RIPOR1: variants seen among roughly 807,000 people sequenced by gnomAD.
The protein encoded by RIPOR1 is rho family-interacting cell polarization regulator 1.
Under a neutral mutation model 116.5 loss-of-function variants are expected in RIPOR1, and 58 were observed. That is an observed-to-expected ratio of 0.50 (90% CI 0.40 to 0.62). The LOEUF (loss-of-function observed/expected upper bound fraction) is 0.62, where lower values mean the gene tolerates loss of function less well. Among genes scored for constraint, RIPOR1 ranks in the 20% least tolerant of loss-of-function variants. The pLI is 0.00. For synonymous variants in RIPOR1, 605 were observed against 650.0 expected, an observed-to-expected ratio of 0.93 and a Z score of 1.05; for missense variants, 1,372 against 1,586.2, an observed-to-expected ratio of 0.86 and a Z score of 2.29.
intron 1 of RIPOR1, among the ~76,000 whole-genome samples, chr16:67,522,496 C>G (rs2050503951): frequency 6.6e-6 from 1 of 151,934 alleles, no homozygotes; most frequent in Non-Finnish European, 1.5e-5. Flanking sequence ...GCCACCGCGC[C>G]TGGCCAATTT....
At chr16:67,538,589 CA>C in intron 2 of RIPOR1, 39 bp downstream of exon 2, 1 of 1,608,746 alleles carries the variant, frequency 6.2e-7, no homozygotes, top group Non-Finnish European at 8.5e-7. Context: ...CAAAGGGCGT[CA>C]GATGGGGCTG....
rs754767058 is a variant in RIPOR1, at chr16:67,538,528, G to A, written c.82G>A (p.Gly28Ser). The part of the protein sequence containing the change: ...NRSQSFAGVL[G>S]SHERGPRSFP... ...GAGCCAGTCCTTCGCAGGCGTCCTC[G>A]GCAGCCACGAGCGGGGGCCCAGGTA... Residue 28 changes from glycine (G) to serine (S), a missense_variant, in exon 2 of 22, where the codon GGC (glycine) becomes AGC (serine). Gly to Ser is a moderately conservative substitution (Grantham distance 56). Around this residue, in one of 3 missense-constraint regions of RIPOR1, gnomAD observed 165 missense variants for 145.5 expected, o/e 1.13. Transcript: ENST00000042381. 1 of 1,612,188 alleles carries A rather than the reference G, an allele frequency of 6.2e-7. No homozygotes were observed. The highest frequency in any genetic ancestry group is 1.3e-5 in the African/African-American group (1 of 75,038).
Position 67,544,449 on chromosome 16 carries a change from C to A in RIPOR1, c.2733+18C>A. On this transcript the variant is annotated intron_variant, in intron 15 of 21. Transcript: ENST00000042381. This position sits in a 1 kb window ranked among gnomAD's most constrained non-coding sequence, Gnocchi z 5.1. ...TCCTGCTGGTGAGGCTGATGGTGTT[C>A]CCCCACCCTTCCTTTGTAACCCCTA... 1 of 1,596,042 alleles carries A rather than the reference C, an allele frequency of 6.3e-7. No individual in the cohort carries two copies. The highest frequency in any genetic ancestry group is 8.5e-7 in the Non-Finnish European group (1 of 1,171,460).
Position 67,541,646 on chromosome 16 carries a change from T to C in RIPOR1, c.951-7T>C. The C allele has an allele frequency of 6.2e-7, 1 of 1,614,052 alleles. No individual in the cohort carries two copies. Among genetic ancestry groups the C allele is most frequent in the Non-Finnish European group, 8.5e-7 (1 of 1,179,958 alleles). On this transcript the variant is annotated splice_region_variant and splice_polypyrimidine_tract_variant and intron_variant, in intron 11 of 21. Coordinates refer to ENST00000042381, the MANE Select transcript of RIPOR1 (RefSeq NM_024519.4). This position sits in a 1 kb window ranked among gnomAD's most constrained non-coding sequence, Gnocchi z 4.6. The stretch of plus-strand genomic sequence containing the variant: ...TGGCACCTGCCAACAGCCTCTTCCC[T>C]TCCCAGCCCCTTCGACAAGGATGAC...
rs2050994435 is a variant in RIPOR1 at position 67,541,795 on chromosome 16, C to T, written c.1080+13C>T. The T allele has an allele frequency of 1.9e-6, 3 of 1,614,096 alleles. No homozygotes were observed. The highest frequency in any genetic ancestry group is 8.5e-7 in the Non-Finnish European group (1 of 1,179,988). On this transcript the variant is annotated intron_variant, in intron 12 of 21. Coordinates refer to ENST00000042381, the MANE Select transcript of RIPOR1 (RefSeq NM_024519.4). The surrounding 1 kb of genome is among the most constrained non-coding windows in gnomAD (Gnocchi z 4.6). Reference sequence around the variant, plus strand: ...ACAGGCTTTCTATGTGAGTCATAGCCCAGGTCCAGGCCTCACCATCCCCCA... The same window carrying T: ...ACAGGCTTTCTATGTGAGTCATAGCTCAGGTCCAGGCCTCACCATCCCCCA...
In RIPOR1 at chr16:67,537,949, A is replaced by G; in HGVS notation, c.-23-475A>G. 1 of 221,440 alleles carries G rather than the reference A, an allele frequency of 4.5e-6. No homozygotes were observed. Among genetic ancestry groups the G allele is most frequent in the Non-Finnish European group, 8.8e-6 (1 of 113,770 alleles). The allele number at this position is 221,440 out of a possible 1,614,324, so 13.7% of individuals were successfully genotyped here. A position where few individuals can be genotyped will look rare whatever the true frequency, so the allele number is the denominator to read the frequency against. ...GGCTGGGCCTGTCGGGCAGCTCCGC[A>G]GGGCTCCGAGCGTGGCCCCGCCCCG... On this transcript the variant is annotated intron_variant, in intron 1 of 21. Coordinates refer to ENST00000042381, the MANE Select transcript of RIPOR1 (RefSeq NM_024519.4). This position sits in a 1 kb window ranked among gnomAD's most constrained non-coding sequence, Gnocchi z 4.6.
At position 67,529,889 on chromosome 16, in the gene RIPOR1, G is replaced by T; in HGVS notation, c.-24+975G>T. On this transcript the variant is annotated intron_variant, in intron 1 of 21. Coordinates refer to ENST00000042381, the MANE Select transcript of RIPOR1 (RefSeq NM_024519.4). This position sits in a 1 kb window ranked among gnomAD's most constrained non-coding sequence, Gnocchi z 4.1. Reference sequence around the variant, plus strand: ...GTAGTATTCTCAAGGTCACACAGCTGGTTTGGGAGAAGCGAGGATTAGATC... The same window carrying T: ...GTAGTATTCTCAAGGTCACACAGCTTGTTTGGGAGAAGCGAGGATTAGATC... 7.0e-7 allele frequency: 1 copy of T among 1,425,154 alleles called. No homozygotes were observed. The highest frequency in any genetic ancestry group is 9.6e-7 in the Non-Finnish European group (1 of 1,045,716). The allele number at this position is 1,425,154 out of a possible 1,614,324, so 88.3% of individuals were successfully genotyped here. A position where few individuals can be genotyped will look rare whatever the true frequency, so the allele number is the denominator to read the frequency against.
At chr16:67,523,697 T>C (rs2050516380) in intron 1 of RIPOR1, among the ~76,000 whole-genome samples, 1 of 146,710 alleles carries the variant, frequency 6.8e-6, no homozygotes. Flanking sequence ...TTTTTTTTTT[T>C]TGAGACAGGG....
At position 67,544,389 on chromosome 16, in the gene RIPOR1, T is replaced by C. The variant is rs1405501552; in HGVS notation, c.2691T>C (p.Ala897=). 8.7e-6 allele frequency: 14 copies of C among 1,612,958 alleles called. No individual in the cohort carries two copies. Among genetic ancestry groups the C allele is most frequent in the Admixed American group, 5.0e-5 (3 of 59,988 alleles). The part of the protein sequence containing the change: ...PLSTGCPALD[A]ALVRHLYHCS... ...GCACGGGGTGTCCAGCTCTGGATGCTGCCTTGGTCCGGCACCTGTACCACT... is the reference window on the plus strand; with the variant it reads ...GCACGGGGTGTCCAGCTCTGGATGCCGCCTTGGTCCGGCACCTGTACCACT... Residue 897 remains alanine (A), a synonymous_variant, in exon 15 of 22, where the codon GCT becomes GCC. Transcript: ENST00000042381. This position sits in a 1 kb window ranked among gnomAD's most constrained non-coding sequence, Gnocchi z 5.1.
At chr16:67,528,808 G>A, upstream of RIPOR1, 1 of 154,494 alleles carries the variant, frequency 6.5e-6, no homozygotes, top group Non-Finnish European at 1.4e-5. Flanking sequence ...GCGGGCGGAG[G>A]GAGGGGCCGG....
In RIPOR1 at chr16:67,545,605, C is replaced by T; in HGVS notation, c.3191-59C>T. On this transcript the variant is annotated intron_variant, in intron 18 of 21. Transcript: ENST00000042381. The surrounding 1 kb of genome is among the most constrained non-coding windows in gnomAD (Gnocchi z 4.8). ...GACATGAGGACAAGCCCTCCCCAAC[C>T]TCGGGGGCTCCTCACCCTGCCACCT... 1 of 1,584,636 alleles carries T rather than the reference C, an allele frequency of 6.3e-7. No individual in the cohort carries two copies. Among genetic ancestry groups the T allele is most frequent in the Non-Finnish European group, 8.6e-7 (1 of 1,162,048 alleles).
At chr16:67,519,789 C>T (rs927349326) in intron 1 of RIPOR1, among the ~76,000 whole-genome samples, 2 of 152,076 alleles carry the variant, frequency 1.3e-5, no homozygotes, top group Non-Finnish European at 2.9e-5. Flanking sequence ...CTGGCCAGTG[C>T]GGTGGCTCAC....
At position 67,541,142 on chromosome 16, in the gene RIPOR1, T is replaced by C. The variant is rs565977444; in HGVS notation, c.802-288T>C. Among the ~76,000 whole-genome samples the C allele has an allele frequency of 6.6e-6, 1 of 152,176 alleles. No homozygotes were observed. Among genetic ancestry groups the C allele is most frequent in the South Asian group, 2.1e-4 (1 of 4,818 alleles). ...GTGCAGCAGTGCAATCATACCTCAC[T>C]GCAGTCTCAAACTCCTGGGCTCAAC... is the stretch of plus-strand genomic sequence containing the variant. On this transcript the variant is annotated intron_variant, in intron 10 of 21. Transcript: ENST00000042381. This position sits in a 1 kb window ranked among gnomAD's most constrained non-coding sequence, Gnocchi z 4.6.
At position 67,541,792 on chromosome 16, in the gene RIPOR1, A is replaced by T; in HGVS notation, c.1080+10A>T. 1 of 1,614,016 alleles carries T rather than the reference A, an allele frequency of 6.2e-7. No homozygotes were observed. The highest frequency in any genetic ancestry group is 1.3e-5 in the African/African-American group (1 of 75,014). On this transcript the variant is annotated intron_variant, in intron 12 of 21. Coordinates refer to ENST00000042381, the MANE Select transcript of RIPOR1 (RefSeq NM_024519.4). The surrounding 1 kb of genome is among the most constrained non-coding windows in gnomAD (Gnocchi z 4.6). Reference sequence around the variant, plus strand: ...GGAACAGGCTTTCTATGTGAGTCATAGCCCAGGTCCAGGCCTCACCATCCC... The same window carrying T: ...GGAACAGGCTTTCTATGTGAGTCATTGCCCAGGTCCAGGCCTCACCATCCC...
chr16:67,533,974 ATTTTTTTTTT>A (rs767462361), intron 1 of RIPOR1, among the ~76,000 whole-genome samples: 1 of 123,424 alleles, frequency 8.1e-6, no homozygotes, highest in African/African-American at 3.2e-5. Flanking sequence ...CGCCCGGCTA[ATTTTTTTTTT>A]TTTTTTTTTT....
Position 67,540,538 on chromosome 16 carries a change from G to T in RIPOR1, c.675+37G>T, listed in dbSNP as rs751655133. On this transcript the variant is annotated intron_variant, in intron 9 of 21. Transcript: ENST00000042381. The surrounding 1 kb of genome is among the most constrained non-coding windows in gnomAD (Gnocchi z 4.7). ...TGCAGGGAAGGGCTGGGTCGGTAGG[G>T]TCCCAACACCTAGGCTGCCTCATCC... The T allele has an allele frequency of 1.4e-5, 23 of 1,614,140 alleles. No individual in the cohort carries two copies. The highest frequency in any genetic ancestry group is 1.9e-5 in the Non-Finnish European group (22 of 1,179,998).
In RIPOR1 at chr16:67,540,680, A is replaced by C; in HGVS notation, c.777A>C (p.Leu259=). ...GTGAAGAAACCATCTTTCTCCCTCT[A>C]CTCACGGAATTTCTGTCTATTAAGG... ...WDSEETIFLP[L]LTEFLSIKVT... The change falls in exon 10 of 22, where the codon CTA becomes CTC. Residue 259 remains leucine (L), a synonymous_variant. Coordinates refer to ENST00000042381, the MANE Select transcript of RIPOR1 (RefSeq NM_024519.4). This position sits in a 1 kb window ranked among gnomAD's most constrained non-coding sequence, Gnocchi z 4.7. 6.2e-7 allele frequency: 1 copy of C among 1,606,548 alleles called. No homozygotes were observed. The highest frequency in any genetic ancestry group is 8.5e-7 in the Non-Finnish European group (1 of 1,176,156).
At chr16:67,522,285 C>A (rs980163578) in intron 1 of RIPOR1, among the ~76,000 whole-genome samples, 3 of 147,890 alleles carry the variant, frequency 2.0e-5, no homozygotes, top group African/African-American at 7.7e-5. Context: ...TCACTGAAAC[C>A]TCCGCCTCCC....
rs1171499805 is a variant in RIPOR1, at chr16:67,545,217, C to T, written c.3031+100C>T. ...CCACACAGATAAACGAACTGGGCAC[C>T]GAGGAGACCAGCAAAGACTTGGGCC... is the stretch of plus-strand genomic sequence containing the variant. On this transcript the variant is annotated intron_variant, in intron 17 of 21. Transcript: ENST00000042381. This position sits in a 1 kb window ranked among gnomAD's most constrained non-coding sequence, Gnocchi z 4.8. The T allele has an allele frequency of 2.5e-5, 38 of 1,541,288 alleles. 1 individual carries two copies. The highest frequency in any genetic ancestry group is 3.0e-5 in the Non-Finnish European group (34 of 1,134,240).
Sources: gnomAD v4.1 joint callset for allele counts (sites outside exome capture counted in the v4.1 genomes callset) on GRCh38, gnomAD v4.1.1 for gene constraint, gnomAD v4.1.1 regional missense constraint, Gnocchi (gnomAD v3.1) non-coding constraint, MANE v1.5 for transcripts, NCBI Gene and HGNC (gene_info 2026-07-23, HGNC 2026-07-21) for gene names.